ALK: variants seen among roughly 807,000 people sequenced by gnomAD.
ALK encodes the protein ALK receptor tyrosine kinase.
In ALK, 74 loss-of-function variants were observed where a neutral mutation model predicts 163.1. That is an observed-to-expected ratio of 0.45 (90% CI 0.38 to 0.55). The LOEUF (loss-of-function observed/expected upper bound fraction) is 0.55, where lower values mean the gene tolerates loss of function less well. ALK is among the 20% of genes least tolerant of loss of function. The pLI, the probability that ALK is intolerant of heterozygous loss-of-function variation, is 0.00. For missense variants in ALK, 2,063 were observed against 2,105.3 expected (o/e 0.98, Z 0.39); for synonymous variants, 960 against 843.2 (o/e 1.14, Z -2.40).
intron 4 of ALK, among the ~76,000 whole-genome samples, chr2:29,507,705 G>GAGTT (rs1206104509): frequency 6.6e-6 from 1 of 152,130 alleles, no homozygotes; most frequent in Non-Finnish European, 1.5e-5. Flanking sequence ...ATGCAATAAT[G>GAGTT]AGTTGAACAC....
At chr2:29,495,301 C>T (rs1671997738) in intron 4 of ALK, among the ~76,000 whole-genome samples, 1 of 152,154 alleles carries the variant, frequency 6.6e-6, no homozygotes, top group Non-Finnish European at 1.5e-5. Context: ...GGGAACACCA[C>T]AGTAGATCAG....
At chr2:29,614,777 C>T (rs189210653) in intron 3 of ALK, among the ~76,000 whole-genome samples, 6 of 152,148 alleles carry the variant, frequency 3.9e-5, no homozygotes, top group Admixed American at 3.3e-4. Flanking sequence ...AGAATCCCCC[C>T]ATCCCTGATG....
intron 8 of ALK, among the ~76,000 whole-genome samples, chr2:29,303,799 G>GT (rs886675048): frequency 1.3e-5 from 2 of 152,156 alleles, no homozygotes; most frequent in African/African-American, 4.8e-5. Flanking sequence ...ATCAAATACC[G>GT]TATGTGCTCA....
intron 6 of ALK, among the ~76,000 whole-genome samples, chr2:29,324,062 C>T (rs1181544673): frequency 1.3e-5 from 2 of 152,224 alleles, no homozygotes; most frequent in East Asian, 3.8e-4. Context: ...TCCTGTGCAC[C>T]TTAAATCTGG....
intron 3 of ALK, among the ~76,000 whole-genome samples, chr2:29,637,856 A>G (rs1291468467): frequency 1.3e-5 from 2 of 152,150 alleles, no homozygotes; most frequent in African/African-American, 4.8e-5. Context: ...AATGAAATCT[A>G]TATTATTTTA....
chr2:29,875,257 G>A (rs1038777669), intron 1 of ALK, among the ~76,000 whole-genome samples: 1 of 152,160 alleles, frequency 6.6e-6, no homozygotes, highest in African/African-American at 2.4e-5. Flanking sequence ...CTAGGGTGGG[G>A]GAATGGGGAG....
intron 3 of ALK, among the ~76,000 whole-genome samples, chr2:29,675,936 G>C (rs1207058732): frequency 2.0e-5 from 3 of 151,984 alleles, no homozygotes; most frequent in Non-Finnish European, 4.4e-5. Context: ...ATATTGACCA[G>C]ACTGGTCTTG....
At chr2:29,305,019 T>A (rs1318364446) in intron 8 of ALK, among the ~76,000 whole-genome samples, 1 of 152,222 alleles carries the variant, frequency 6.6e-6, no homozygotes, top group African/African-American at 2.4e-5. Flanking sequence ...CGGCAGATTT[T>A]AAAATTTCTC....
chr2:29,199,205 C>A (rs1223590541), intron 26 of ALK, among the ~76,000 whole-genome samples: 1 of 152,144 alleles, frequency 6.6e-6, no homozygotes, highest in East Asian at 1.9e-4. Flanking sequence ...CCACCCACCT[C>A]GGCCTCCCAA....
At chr2:29,308,230 GTTTATA>G (rs1397683281) in intron 8 of ALK, among the ~76,000 whole-genome samples, 2 of 152,056 alleles carry the variant, frequency 1.3e-5, no homozygotes, top group Admixed American at 6.5e-5. Flanking sequence ...GACACAGGAT[GTTTATA>G]TTTATATAAA....
chr2:29,212,177 C>T (rs1316399260), intron 24 of ALK, among the ~76,000 whole-genome samples: 1 of 152,114 alleles, frequency 6.6e-6, no homozygotes, highest in African/African-American at 2.4e-5. Flanking sequence ...CACCAGGTGA[C>T]GCGGGTTGCT....
At chr2:29,251,595 T>C (rs1323417868) in intron 11 of ALK, among the ~76,000 whole-genome samples, 2 of 152,258 alleles carry the variant, frequency 1.3e-5, no homozygotes, top group East Asian at 3.9e-4. Context: ...CAGCCAACAC[T>C]GCGCTAGGGG....
intron 13 of ALK, among the ~76,000 whole-genome samples, chr2:29,234,875 G>A (rs1265262895): frequency 6.6e-6 from 1 of 152,170 alleles, no homozygotes; most frequent in Non-Finnish European, 1.5e-5. Flanking sequence ...ACCATGCCCC[G>A]CTAATTTTTG....
chr2:29,485,792 G>C (rs1253004117), intron 4 of ALK, among the ~76,000 whole-genome samples: 1 of 152,154 alleles, frequency 6.6e-6, no homozygotes, highest in Non-Finnish European at 1.5e-5. Flanking sequence ...TGGGCAGTCT[G>C]GTTCGGGTCT....
chr2:29,473,620 A>T (rs983092470), intron 4 of ALK, among the ~76,000 whole-genome samples: 2 of 152,182 alleles, frequency 1.3e-5, no homozygotes, highest in Non-Finnish European at 2.9e-5. Flanking sequence ...CAATAAGCAT[A>T]TGAAAGGTGT....
At chr2:29,593,653 C>G (rs1232189558) in intron 3 of ALK, among the ~76,000 whole-genome samples, 10 of 152,238 alleles carry the variant, frequency 6.6e-5, no homozygotes, top group Non-Finnish European at 4.4e-5. Context: ...AAAACCAAAA[C>G]ACAGTGAAAG....
intron 4 of ALK, among the ~76,000 whole-genome samples, chr2:29,515,078 T>C (rs193156686): frequency 5.8e-4 from 89 of 152,242 alleles, no homozygotes; most frequent in African/African-American, 2.0e-3. Flanking sequence ...TTCCCTGATT[T>C]CCTAAAAAAT....
At chr2:29,320,316 G>T (rs868484179) in intron 7 of ALK, among the ~76,000 whole-genome samples, 1 of 152,160 alleles carries the variant, frequency 6.6e-6, no homozygotes, top group South Asian at 2.1e-4. Context: ...ACCATGGACC[G>T]GGTATAGGGT....
intron 11 of ALK, among the ~76,000 whole-genome samples, chr2:29,265,868 A>G (rs1448607054): frequency 3.9e-5 from 6 of 152,266 alleles, no homozygotes; most frequent in African/African-American, 1.4e-4. Context: ...GGTGCCTGTA[A>G]TCCCAGCTAC....
Sources: allele counts gnomAD v4.1 joint callset (sites outside exome capture counted in the v4.1 genomes callset), GRCh38; gene constraint gnomAD v4.1.1; transcripts MANE v1.5; gene names NCBI Gene and HGNC (gene_info 2026-07-23, HGNC 2026-07-21).